Variants in NRDE2 observed in about 807,000 individuals in gnomAD.
The protein encoded by NRDE2 is NRDE-2, necessary for RNA interference, domain containing.
In NRDE2, 76 loss-of-function variants were observed where a neutral mutation model predicts 124.2. That is an observed-to-expected ratio of 0.61 (90% confidence interval 0.51 to 0.74). The LOEUF is 0.74. Among genes scored for constraint, NRDE2 ranks in the 30% least tolerant of loss-of-function variants. The probability of loss-of-function intolerance (pLI) is 0.00; values close to 1 mark genes in which losing one functional copy is unlikely to be tolerated. For synonymous variants in NRDE2, 489 were observed against 528.1 expected, an observed-to-expected ratio of 0.93 and a Z score of 1.01; for missense variants, 1,314 against 1,417.3, an observed-to-expected ratio of 0.93 and a Z score of 1.17.
rs541931614 is a variant in NRDE2 at position 90,279,251 on chromosome 14, A to G, written c.3298-118T>C. On this transcript the variant is annotated intron_variant, in intron 12 of 13. Coordinates refer to ENST00000354366, the MANE Select transcript of NRDE2 (RefSeq NM_017970.4). ...AGCTGCAGTGAGCCCACCTGTGCAG[A>G]GGGCCTGGCACCGTCACGGTGGCTG... 299 of 761,800 alleles carry G rather than the reference A, an allele frequency of 3.9e-4. 1 individual carries two copies. The South Asian group carries it at 4.5e-3, about 11-fold the overall frequency. The allele number at this position is 761,800 out of a possible 1,614,324, so 47.2% of individuals were successfully genotyped here.
At chr14:90,308,655 C>CA (rs1240490013) in intron 4 of NRDE2, among the ~76,000 whole-genome samples, 1 of 152,198 alleles carries the variant, frequency 6.6e-6, no homozygotes, top group Non-Finnish European at 1.5e-5. Flanking sequence ...CTCGGCGTGT[C>CA]AGTGTTCCTC....
chr14:90,280,123 TTTGG>T (rs1891913223), intron 12 of NRDE2: 1 of 152,322 alleles, frequency 6.6e-6, no homozygotes, highest in Non-Finnish European at 1.5e-5. Flanking sequence ...GTTTGGTTTT[TTTGG>T]TTTTTTTTTT....
rs1357713814 is a variant in NRDE2 at position 90,275,027 on chromosome 14, CAA to C, written c.*3307_*3308del. 1.3e-5 allele frequency: 2 copies of C among 152,180 alleles called. No individual in the cohort carries two copies. The highest frequency in any genetic ancestry group is 2.9e-5 in the Non-Finnish European group (2 of 68,036). The allele number at this position is 152,180 out of a possible 1,614,324, so 9.4% of individuals were successfully genotyped here. On this transcript the variant is annotated 3_prime_UTR_variant, in exon 14 of 14. Transcript: ENST00000354366. Reference sequence around the variant, plus strand: ...GGGCACTTTGAAAGTACGTGCCACCCAAGAGTGTCAGTGCTGTCACACTCCTG... The same window carrying C: ...GGGCACTTTGAAAGTACGTGCCACCCGAGTGTCAGTGCTGTCACACTCCTG...
chr14:90,301,156 C>A, intron 7 of NRDE2, 83 bp downstream of exon 7: 2 of 1,387,532 alleles, frequency 1.4e-6, no homozygotes, highest in South Asian at 1.2e-5. Context: ...TTATCCACAC[C>A]ACCTCTCATT....
Position 90,268,375 on chromosome 14 carries a change from C to T in NRDE2, c.*9961G>A, listed in dbSNP as rs147061412. 1.2e-5 allele frequency: 19 copies of T among 1,612,990 alleles called. No individual in the cohort carries two copies. The African/African-American group carries it at 1.2e-4, about 10-fold the overall frequency. On this transcript the variant is annotated 3_prime_UTR_variant, in exon 14 of 14. Transcript: ENST00000354366. ...TTGCTGAAGAACATGCACCGTCCAT[C>T]GTGTTTATTGATGAAATTGACGCCA...
chr14:90,294,177 A>T (rs1892347288), intron 8 of NRDE2, among the ~76,000 whole-genome samples: 1 of 152,094 alleles, frequency 6.6e-6, no homozygotes, highest in Non-Finnish European at 1.5e-5. Context: ...ATGCTAAGTT[A>T]AAAAAGCCAA....
intron 9 of NRDE2, among the ~76,000 whole-genome samples, chr14:90,290,895 A>G (rs1892255855): frequency 6.6e-6 from 1 of 152,224 alleles, no homozygotes; most frequent in African/African-American, 2.4e-5. Context: ...GAAGCTTTCA[A>G]AGTATCCTGA....
intron 1 of NRDE2, among the ~76,000 whole-genome samples, chr14:90,326,493 T>G (rs1885443511): frequency 1.5e-5 from 2 of 131,712 alleles, no homozygotes; most frequent in Admixed American, 8.2e-5. Flanking sequence ...AGAGCGAGAC[T>G]CTGTCTCAAA....
intron 2 of NRDE2, among the ~76,000 whole-genome samples, 194 bp from the exon 3 acceptor site, chr14:90,317,005 A>G (rs1304444318): frequency 1.3e-5 from 2 of 152,244 alleles, no homozygotes; most frequent in Non-Finnish European, 2.9e-5. Flanking sequence ...ATCTAAAATA[A>G]TAACAGGTGA....
intron 4 of NRDE2, 103 bp from the exon 5 acceptor site, chr14:90,304,485 C>T (rs1384392425): frequency 1.3e-6 from 1 of 763,326 alleles, no homozygotes; most frequent in Non-Finnish European, 2.1e-6. Flanking sequence ...AGGTTCACTG[C>T]ATATAACCAA....
At chr14:90,295,800 T>A (rs1202100410) in intron 8 of NRDE2, among the ~76,000 whole-genome samples, 2 of 152,234 alleles carry the variant, frequency 1.3e-5, no homozygotes, top group East Asian at 3.9e-4. Flanking sequence ...TTTTCAGCCT[T>A]TCTTTTGACC....
chr14:90,303,801 G>T, intron 5 of NRDE2, 134 bp downstream of exon 5: 1 of 785,686 alleles, frequency 1.3e-6, no homozygotes, highest in Non-Finnish European at 2.0e-6. Context: ...CAGGGCAAAG[G>T]CTCTATTCTA....
chr14:90,304,560 C>T (rs2139692622), intron 4 of NRDE2, 178 bp from the exon 5 acceptor site: 1 of 565,064 alleles, frequency 1.8e-6, no homozygotes, highest in African/African-American at 1.9e-5. Context: ...AACTTTCTTT[C>T]TGCCTGGCTT....
At chr14:90,304,593 A>C in intron 4 of NRDE2, 2 of 496,812 alleles carry the variant, frequency 4.0e-6, no homozygotes, top group Non-Finnish European at 7.1e-6. Context: ...TAACACTTCA[A>C]CTCTTCTTTA....
At position 90,288,747 on chromosome 14, in the gene NRDE2, C is replaced by T; in HGVS notation, c.2628G>A (p.Lys876=). ...AGTCCTGCAGTGCGTGCTCATAAGC[C>T]TTTCGCGCTTTCAAAATGTGAACAG... ...VLAVHILKAR[K]AYEHALQDCL... is the part of the protein sequence containing the mutation. Residue 876 remains lysine (K), a synonymous_variant, in exon 11 of 14, where the codon AAG becomes AAA. Transcript: ENST00000354366. 2 of 1,614,094 alleles carry T rather than the reference C, an allele frequency of 1.2e-6. No individual in the cohort carries two copies. The highest frequency in any genetic ancestry group is 1.7e-6 in the Non-Finnish European group (2 of 1,179,992).
intron 12 of NRDE2, 119 bp from the exon 13 acceptor site, chr14:90,279,252 G>A: frequency 1.3e-6 from 1 of 763,406 alleles, no homozygotes; most frequent in Non-Finnish European, 2.3e-6. Flanking sequence ...CCTGTGCAGA[G>A]GGCCTGGCAC....
chr14:90,327,315 C>T (rs192615648), intron 1 of NRDE2, among the ~76,000 whole-genome samples: 70 of 151,938 alleles, frequency 4.6e-4, no homozygotes, highest in Admixed American at 1.4e-3. Flanking sequence ...TCTGGGAGGC[C>T]GTGGCGGGAG....
intron 12 of NRDE2, 38 bp from the exon 13 acceptor site, chr14:90,279,171 G>A (rs1891886058): frequency 6.7e-7 from 1 of 1,492,886 alleles, no homozygotes; most frequent in Admixed American, 1.7e-5. Context: ...ATGATTAGTT[G>A]ACACAGAGAG....
chr14:90,316,737 T>C lies in NRDE2; in HGVS notation c.248A>G (p.Lys83Arg), dbSNP rs758183038. ...CTTCCTTTTTTTCTTTTTCTCTTTCTTCTTTTTTCTACTTGTTTGTTTGAG... is the reference window on the plus strand; with the variant it reads ...CTTCCTTTTTTTCTTTTTCTCTTTCCTCTTTTTTCTACTTGTTTGTTTGAG... ...KKLKQTSRKK[K>R]KEKKKKRKHQ... Residue 83 changes from lysine (K) to arginine (R), a missense_variant, in exon 3 of 14, where the codon AAG becomes AGG. Lys to Arg is a conservative substitution (Grantham distance 26). Transcript: ENST00000354366. The C allele has an allele frequency of 6.2e-7, 1 of 1,613,668 alleles. No individual in the cohort carries two copies. Among genetic ancestry groups the C allele is most frequent in the South Asian group, 1.1e-5 (1 of 90,848 alleles).
Sources: gnomAD v4.1 joint callset for allele counts (sites outside exome capture counted in the v4.1 genomes callset) on GRCh38, gnomAD v4.1.1 for gene constraint, MANE v1.5 for transcripts, NCBI Gene and HGNC (gene_info 2026-07-23, HGNC 2026-07-21) for gene names.